The following KANK1 variants were observed in gnomAD, a reference collection of about 807,000 sequenced individuals.
KANK1 encodes the protein KN motif and ankyrin repeat domain-containing protein 1.
A neutral mutation model predicts 106.2 loss-of-function variants in KANK1; 109 were observed. The observed-to-expected ratio is 1.03, with a 90% CI of 0.88 to 1.20. The LOEUF is 1.20. Ranked by LOEUF, KANK1 falls within the 50% of genes most tolerant of loss-of-function variation. KANK1 has a pLI of 0.00. For synonymous variants in KANK1, 873 were observed against 652.2 expected, an observed-to-expected ratio of 1.34 and a Z score of -5.16; for missense variants, 2,399 against 1,710.7, an observed-to-expected ratio of 1.40 and a Z score of -7.10.
intron 1 of KANK1, among the ~76,000 whole-genome samples, chr9:567,796 C>T (rs368025532): frequency 3.9e-5 from 6 of 152,212 alleles, no homozygotes; most frequent in East Asian, 1.9e-4. Flanking sequence ...GGGAGATGCC[C>T]GAGCTTATCA....
chr9:636,181 T>C (rs555314653), intron 1 of KANK1, among the ~76,000 whole-genome samples: 1 of 152,294 alleles, frequency 6.6e-6, no homozygotes, highest in Admixed American at 6.5e-5. Flanking sequence ...CTAGGGTGTT[T>C]TTGTAAAAGT....
chr9:719,120 C>T (rs568822214), intron 3 of KANK1, among the ~76,000 whole-genome samples: 12 of 151,996 alleles, frequency 7.9e-5, no homozygotes, highest in African/African-American at 2.7e-4. Flanking sequence ...CCACCAGGCC[C>T]GGCTAAATTT....
chr9:500,454 C>T (rs997468017), upstream of KANK1, among the ~76,000 whole-genome samples: 2 of 152,206 alleles, frequency 1.3e-5, no homozygotes, highest in African/African-American at 4.8e-5. Context: ...CAAGTTGGTT[C>T]TTATCCTGGA....
At chr9:626,080 A>C (rs142032560) in intron 1 of KANK1, among the ~76,000 whole-genome samples, 1 of 152,174 alleles carries the variant, frequency 6.6e-6, no homozygotes, top group African/African-American at 2.4e-5. Context: ...CCCAGCTTCA[A>C]TTCCTCATCA....
intron 3 of KANK1, among the ~76,000 whole-genome samples, chr9:715,605 A>T (rs955020017): frequency 6.6e-6 from 1 of 152,228 alleles, no homozygotes; most frequent in African/African-American, 2.4e-5. Flanking sequence ...GTTAGATCCA[A>T]CCCTGCTAAC....
chr9:684,108 C>T (rs1173704625), intron 2 of KANK1: 2 of 950,384 alleles, frequency 2.1e-6, no homozygotes, highest in Non-Finnish European at 2.5e-6. Context: ...CTCATCAGAG[C>T]TTGCTTGTTT....
chr9:726,933 C>T (rs1439096023), intron 3 of KANK1, among the ~76,000 whole-genome samples: 1 of 152,198 alleles, frequency 6.6e-6, no homozygotes, highest in East Asian at 1.9e-4. Context: ...GCACTCCAGC[C>T]TGGGCAACAG....
At chr9:531,756 G>A (rs2133546233) in intron 1 of KANK1, among the ~76,000 whole-genome samples, 1 of 152,312 alleles carries the variant, frequency 6.6e-6, no homozygotes, top group Non-Finnish European at 1.5e-5. Context: ...ATTTTATTCT[G>A]AACTGTGGCA....
intron 1 of KANK1, among the ~76,000 whole-genome samples, chr9:572,456 A>G (rs1819452717): frequency 6.6e-6 from 1 of 152,070 alleles, no homozygotes; most frequent in Non-Finnish European, 1.5e-5. Flanking sequence ...GGAAGCTGAG[A>G]CAGGAGACTG....
chr9:515,944 C>G (rs779626544), intron 1 of KANK1, among the ~76,000 whole-genome samples: 2 of 151,742 alleles, frequency 1.3e-5, no homozygotes, highest in East Asian at 3.8e-4. Context: ...CTTCCTTTAG[C>G]TTTTATTCTG....
At chr9:582,320 A>T (rs530842963) in intron 1 of KANK1, among the ~76,000 whole-genome samples, 7 of 152,296 alleles carry the variant, frequency 4.6e-5, no homozygotes, top group Middle Eastern at 6.8e-3. Flanking sequence ...GGCTGTTTCC[A>T]AAACCCATTT....
intron 5 of KANK1, 33 bp from the exon 6 acceptor site, chr9:732,345 C>T (rs750065273): frequency 4.4e-6 from 7 of 1,595,524 alleles, no homozygotes; most frequent in Non-Finnish European, 6.0e-6. Context: ...GTGAGCACAC[C>T]TTGCATCTCC....
chr9:711,386 C>G lies in KANK1; in HGVS notation c.620C>G (p.Pro207Arg), dbSNP rs752035773. 1 of 1,614,174 alleles carries G rather than the reference C, an allele frequency of 6.2e-7. No individual in the cohort carries two copies. The highest frequency in any genetic ancestry group is 2.2e-5 in the East Asian group (1 of 44,880). The change falls in exon 3 of 12, where the codon CCT becomes CGT. Residue 207 changes from proline to arginine, a missense_variant. Physicochemically the swap from Pro to Arg is moderately radical, Grantham distance 103. Transcript: ENST00000382297. The stretch of plus-strand genomic sequence containing the variant: ...TTTGTGGGTTCTGGAAACCACAATC[C>G]TGCCAAGCACCAGCTTCAGAATGGA... Reference protein sequence around the residue: ...PSFVGSGNHNPAKHQLQNGYQ... With the variant: ...PSFVGSGNHNRAKHQLQNGYQ...
intron 1 of KANK1, among the ~76,000 whole-genome samples, chr9:577,924 C>T (rs1164832258): frequency 1.3e-5 from 2 of 152,184 alleles, no homozygotes; most frequent in African/African-American, 4.8e-5. Flanking sequence ...CTCACAATGG[C>T]ATCCTGCAAA....
chr9:552,339 A>G (rs982587078), intron 1 of KANK1, among the ~76,000 whole-genome samples: 4 of 152,184 alleles, frequency 2.6e-5, no homozygotes, highest in African/African-American at 9.7e-5. Flanking sequence ...CTGCCTAACT[A>G]AGGTCAGTTA....
Position 636,196 on chromosome 9 carries a change from A to G in KANK1, c.-83-40694A>G, listed in dbSNP as rs544209309. Reference sequence around the variant, plus strand: ...CTAGGGTGTTTTTGTAAAAGTTCTCAGGGATTCTAGTGGCGGCCAGGTTGA... The same window carrying G: ...CTAGGGTGTTTTTGTAAAAGTTCTCGGGGATTCTAGTGGCGGCCAGGTTGA... On this transcript the variant is annotated intron_variant, in intron 1 of 11. Transcript: ENST00000382297. Among the ~76,000 whole-genome samples, 95 of 152,286 alleles carry G rather than the reference A, an allele frequency of 6.2e-4. 1 individual carries two copies. The highest frequency in any genetic ancestry group is 2.3e-3 in the African/African-American group (94 of 41,550).
chr9:610,875 A>G (rs1178090936), intron 1 of KANK1, among the ~76,000 whole-genome samples: 1 of 152,202 alleles, frequency 6.6e-6, no homozygotes, highest in East Asian at 1.9e-4. Flanking sequence ...GGCAAAGGGA[A>G]AGAGGCCAGT....
At chr9:529,220 A>AAT (rs57171198) in intron 1 of KANK1, among the ~76,000 whole-genome samples, 6,352 of 144,166 alleles carry the variant, frequency 0.044, 127 homozygotes, top group Non-Finnish European at 0.054. Context: ...TAACTCTGTT[A>AAT]ATATATATAT....
chr9:529,157 A>G lies in KANK1; in HGVS notation c.-84+24403A>G, dbSNP rs1156993720. ...TAGTGAAAAGCCACCCACTTCCTGT[A>G]CTAGCTACCATATTCTCTCTTTACA... On this transcript the variant is annotated intron_variant, in intron 1 of 11. Transcript: ENST00000382297. Among the ~76,000 whole-genome samples the G allele has an allele frequency of 2.6e-5, 4 of 151,886 alleles. No individual in the cohort carries two copies. The South Asian group carries it at 8.3e-4, about 32-fold the overall frequency.
Sources: allele counts gnomAD v4.1 joint callset (sites outside exome capture counted in the v4.1 genomes callset), GRCh38; gene constraint gnomAD v4.1.1; transcripts MANE v1.5; gene names NCBI Gene and HGNC (gene_info 2026-07-23, HGNC 2026-07-21).